CAMKMT: variants seen among roughly 807,000 people sequenced by gnomAD.
CAMKMT encodes the protein calmodulin-lysine N-methyltransferase, also known as CaM KMT.
A neutral mutation model predicts 48.0 loss-of-function variants in CAMKMT; 53 were observed. The observed-to-expected ratio is 1.10, with a 90% confidence interval of 0.89 to 1.39. The LOEUF is 1.39. CAMKMT is among the 40% of genes most tolerant of loss of function. CAMKMT has a pLI of 0.00. For missense variants in CAMKMT, 428 were observed against 402.7 expected (o/e 1.06, Z -0.54); for synonymous variants, 165 against 152.3 (o/e 1.08, Z -0.61).
At chr2:44,699,682 C>A (rs1354154316) in intron 3 of CAMKMT, among the ~76,000 whole-genome samples, 1 of 152,086 alleles carries the variant, frequency 6.6e-6, no homozygotes, top group Non-Finnish European at 1.5e-5. Context: ...TCCTAGCCCA[C>A]TACAGCCTCC....
chr2:44,424,722 G>A (rs973350084), intron 3 of CAMKMT, among the ~76,000 whole-genome samples: 1 of 152,158 alleles, frequency 6.6e-6, no homozygotes, highest in Non-Finnish European at 1.5e-5. Context: ...TAAGCTATGA[G>A]GATGCAAAGA....
chr2:44,482,869 T>G (rs911714119), intron 3 of CAMKMT, among the ~76,000 whole-genome samples: 1 of 152,130 alleles, frequency 6.6e-6, no homozygotes, highest in African/African-American at 2.4e-5. Context: ...ATGGAATCCA[T>G]TGTCTTCATG....
chr2:44,526,873 C>A (rs1427413115), intron 3 of CAMKMT, among the ~76,000 whole-genome samples: 1 of 152,018 alleles, frequency 6.6e-6, no homozygotes, highest in African/African-American at 2.4e-5. Context: ...ATAAGGACTT[C>A]AGTAAGATAT....
intron 3 of CAMKMT, chr2:44,400,960 A>G (rs1169493134): frequency 1.1e-5 from 1 of 94,882 alleles, no homozygotes; most frequent in Non-Finnish European, 2.0e-5. Flanking sequence ...ATATATATAT[A>G]TGTATGTACA....
At chr2:44,452,518 A>T (rs1228781373) in intron 3 of CAMKMT, among the ~76,000 whole-genome samples, 1 of 152,052 alleles carries the variant, frequency 6.6e-6, no homozygotes, top group African/African-American at 2.4e-5. Context: ...AAAGAAATAG[A>T]TATTAAACAC....
intron 3 of CAMKMT, among the ~76,000 whole-genome samples, chr2:44,430,574 G>A (rs907131148): frequency 6.6e-6 from 1 of 151,180 alleles, no homozygotes; most frequent in Non-Finnish European, 1.5e-5. Context: ...TCAACCCTGG[G>A]GCTCCCATCC....
intron 3 of CAMKMT, among the ~76,000 whole-genome samples, chr2:44,522,711 A>G (rs756580248): frequency 6.6e-6 from 1 of 152,178 alleles, no homozygotes; most frequent in Non-Finnish European, 1.5e-5. Context: ...TCCTGTCTGA[A>G]GAGTCTGGGA....
At chr2:44,454,477 A>T (rs773927103) in intron 3 of CAMKMT, among the ~76,000 whole-genome samples, 4 of 152,018 alleles carry the variant, frequency 2.6e-5, no homozygotes, top group Non-Finnish European at 4.4e-5. Flanking sequence ...CCCCCTCTAA[A>T]TGCATTGCCA....
chr2:44,527,414 T>TTA (rs200936430), intron 3 of CAMKMT, among the ~76,000 whole-genome samples: 16 of 122,956 alleles, frequency 1.3e-4, no homozygotes, highest in Admixed American at 2.9e-4. Context: ...CGTATATATA[T>TTA]TATATATATA....
intron 3 of CAMKMT, among the ~76,000 whole-genome samples, chr2:44,579,452 C>T (rs1392252433): frequency 1.3e-5 from 2 of 152,112 alleles, no homozygotes; most frequent in Admixed American, 6.6e-5. Flanking sequence ...AAATGAACCC[C>T]ATCTGAGAGG....
Position 44,365,849 on chromosome 2 carries a change from A to G in CAMKMT, c.138+3704A>G, listed in dbSNP as rs148919320. 3.0e-3 allele frequency among the ~76,000 whole-genome samples: 453 copies of G among 152,380 alleles called. 7 individuals are homozygous for G. Among genetic ancestry groups the G allele is most frequent in the East Asian group, 5.0e-3 (26 of 5,194 alleles). ...CGAATGAAAAATGTTGCCTAGAGGT[A>G]TGAATACTTGGCTGAAGAATCTGAT... On this transcript the variant is annotated intron_variant, in intron 1 of 10. Transcript: ENST00000378494.
chr2:44,374,423 A>G (rs970327826), intron 2 of CAMKMT, among the ~76,000 whole-genome samples: 4 of 152,238 alleles, frequency 2.6e-5, no homozygotes, highest in Non-Finnish European at 5.9e-5. Flanking sequence ...AATGAAAGAC[A>G]AGAAAGGACA....
chr2:44,701,295 C>T (rs972903979), intron 3 of CAMKMT, among the ~76,000 whole-genome samples: 3 of 152,180 alleles, frequency 2.0e-5, no homozygotes, highest in Admixed American at 6.5e-5. Flanking sequence ...GCCCAACATT[C>T]GTTATAACCT....
rs1670706371 is a variant in CAMKMT, at chr2:44,596,977, T to C, written c.377-107306T>C. ...AAAATGAGTTATTCCATGTTACTAATTAGATCTTAGCTGTTAAATTTTGGA... is the reference window on the plus strand; with the variant it reads ...AAAATGAGTTATTCCATGTTACTAACTAGATCTTAGCTGTTAAATTTTGGA... On this transcript the variant is annotated intron_variant, in intron 3 of 10. Coordinates refer to ENST00000378494, the MANE Select transcript of CAMKMT (RefSeq NM_024766.5). Among the ~76,000 whole-genome samples the C allele has an allele frequency of 2.0e-5, 3 of 152,240 alleles. No homozygotes were observed. The South Asian group carries it at 6.2e-4, about 32-fold the overall frequency.
intron 3 of CAMKMT, among the ~76,000 whole-genome samples, chr2:44,601,160 A>T (rs1284692238): frequency 1.3e-5 from 2 of 152,160 alleles, no homozygotes; most frequent in Middle Eastern, 3.2e-3. Flanking sequence ...AAGGTATGCC[A>T]TTACTCTTTT....
intron 3 of CAMKMT, among the ~76,000 whole-genome samples, chr2:44,436,326 C>T (rs1666249701): frequency 6.6e-6 from 1 of 152,098 alleles, no homozygotes; most frequent in African/African-American, 2.4e-5. Flanking sequence ...GATCTGCCCA[C>T]CTCAGCCTCC....
intron 3 of CAMKMT, among the ~76,000 whole-genome samples, chr2:44,587,276 G>A (rs533749901): frequency 6.6e-6 from 1 of 152,190 alleles, no homozygotes; most frequent in East Asian, 1.9e-4. Context: ...CAATGGACAT[G>A]GCAGATTTTG....
At chr2:44,720,937 A>G (rs1434860368) in intron 7 of CAMKMT, among the ~76,000 whole-genome samples, 3 of 152,108 alleles carry the variant, frequency 2.0e-5, no homozygotes, top group Non-Finnish European at 4.4e-5. Context: ...GGTCTTACAA[A>G]TAGGGTTTTT....
At chr2:44,751,987 A>G (rs187584459) in intron 8 of CAMKMT, among the ~76,000 whole-genome samples, 37 of 152,188 alleles carry the variant, frequency 2.4e-4, no homozygotes, top group African/African-American at 8.4e-4. Flanking sequence ...TCACCAAGAC[A>G]AGGATGAAGG....
Sources: allele counts gnomAD v4.1 joint callset (sites outside exome capture counted in the v4.1 genomes callset), GRCh38; gene constraint gnomAD v4.1.1; transcripts MANE v1.5; gene names NCBI Gene and HGNC (gene_info 2026-07-23, HGNC 2026-07-21).